DAP: variants seen among roughly 807,000 people sequenced by gnomAD.
DAP encodes death-associated protein 1.
Under a neutral mutation model 13.8 loss-of-function variants are expected in DAP, and 8 were observed. The ratio of observed to expected loss-of-function variants is 0.58; its 90% CI spans 0.34 to 1.05. The LOEUF (loss-of-function observed/expected upper bound fraction) is 1.05. Among genes scored for constraint, DAP ranks in the 50% least tolerant of loss-of-function variants. The pLI is 0.03. For missense variants in DAP, 106 were observed against 133.2 expected (o/e 0.80, Z 1.01); for synonymous variants, 47 against 47.5 (o/e 0.99, Z 0.04).
intron 2 of DAP, among the ~76,000 whole-genome samples, chr5:10,709,546 G>A (rs943672956): frequency 3.3e-5 from 5 of 152,192 alleles, no homozygotes; most frequent in Admixed American, 6.5e-5. Context: ...GGGTTGCCTC[G>A]TGGTCAGATG....
chr5:10,695,767 T>C (rs995642773), intron 2 of DAP, among the ~76,000 whole-genome samples: 3 of 152,196 alleles, frequency 2.0e-5, no homozygotes, highest in African/African-American at 7.2e-5. Context: ...GTGGGAAGGA[T>C]GCTCTCATTT....
At chr5:10,757,217 C>T (rs1740211143) in intron 1 of DAP, among the ~76,000 whole-genome samples, 1 of 152,126 alleles carries the variant, frequency 6.6e-6, no homozygotes, top group African/African-American at 2.4e-5. Flanking sequence ...CCTTTCCGGC[C>T]GCTCCCACTA....
intron 2 of DAP, among the ~76,000 whole-genome samples, chr5:10,744,253 T>A (rs1009551206): frequency 6.6e-6 from 1 of 152,234 alleles, no homozygotes; most frequent in Admixed American, 6.5e-5. Context: ...AGGTACTCAT[T>A]TTCATATCTG....
chr5:10,683,382 C>G (rs989545955), intron 3 of DAP, 147 bp downstream of exon 3: 2 of 847,034 alleles, frequency 2.4e-6, no homozygotes, highest in Non-Finnish European at 2.0e-6. Context: ...TGGGGAAACG[C>G]GGCAATGAAG....
At chr5:10,721,202 C>T (rs969444574) in intron 2 of DAP, among the ~76,000 whole-genome samples, 1 of 152,148 alleles carries the variant, frequency 6.6e-6, no homozygotes, top group African/African-American at 2.4e-5. Context: ...GTTTCTCCCA[C>T]AGCCAGGATT....
chr5:10,739,314 CT>C (rs200679726), intron 2 of DAP, among the ~76,000 whole-genome samples: 6,057 of 135,256 alleles, frequency 0.045, 389 homozygotes, highest in African/African-American at 0.14. Flanking sequence ...TTTTTTAGTA[CT>C]TTTTTTTTTT....
At chr5:10,684,364 A>G (rs910823583) in intron 2 of DAP, among the ~76,000 whole-genome samples, 1 of 152,126 alleles carries the variant, frequency 6.6e-6, no homozygotes, top group Admixed American at 6.5e-5. Context: ...GAGCATTACA[A>G]ATATAAGGTC....
chr5:10,749,007 C>T (rs1739979000), intron 1 of DAP, among the ~76,000 whole-genome samples: 2 of 152,220 alleles, frequency 1.3e-5, no homozygotes, highest in African/African-American at 4.8e-5. Flanking sequence ...CTCCCAGCTC[C>T]TGGAAGCCAG....
In DAP at chr5:10,707,536, G is replaced by A. The variant is rs969303406; in HGVS notation, c.153-23965C>T. Among the ~76,000 whole-genome samples, 3 of 152,138 alleles carry A rather than the reference G, an allele frequency of 2.0e-5. No individual in the cohort carries two copies. The highest frequency in any genetic ancestry group is 4.8e-5 in the African/African-American group (2 of 41,428). ...TGCATAGGTGGTGTGATGCATGGGT[G>A]CTGTGATGCAGGGGTGGTGTGATTT... On this transcript the variant is annotated intron_variant, in intron 2 of 3. Coordinates refer to ENST00000230895, the MANE Select transcript of DAP (RefSeq NM_004394.3). This position sits in a 1 kb window ranked among gnomAD's most constrained non-coding sequence, Gnocchi z 4.0.
At chr5:10,744,482 A>G (rs181522174) in intron 2 of DAP, among the ~76,000 whole-genome samples, 180 of 152,340 alleles carry the variant, frequency 1.2e-3, no homozygotes, top group African/African-American at 3.9e-3. Flanking sequence ...GTGAGGCTGC[A>G]AAAGGGTAGG....
intron 2 of DAP, among the ~76,000 whole-genome samples, chr5:10,719,215 C>T (rs1484203702): frequency 2.0e-5 from 3 of 152,214 alleles, no homozygotes; most frequent in African/African-American, 7.2e-5. Flanking sequence ...GGAGGCAACA[C>T]ATTCCTCATT....
At chr5:10,756,643 T>G (rs1443588387) in intron 1 of DAP, among the ~76,000 whole-genome samples, 1 of 152,228 alleles carries the variant, frequency 6.6e-6, no homozygotes, top group Non-Finnish European at 1.5e-5. Context: ...AAAGCTATCA[T>G]GTAGCAGATT....
intron 2 of DAP, among the ~76,000 whole-genome samples, chr5:10,736,159 C>T (rs1739606429): frequency 6.6e-6 from 1 of 152,182 alleles, no homozygotes; most frequent in African/African-American, 2.4e-5. Context: ...CAGACCTTCC[C>T]CAGCGCCTGC....
At chr5:10,717,751 C>A (rs988676106) in intron 2 of DAP, among the ~76,000 whole-genome samples, 1 of 152,164 alleles carries the variant, frequency 6.6e-6, no homozygotes, top group South Asian at 2.1e-4. Context: ...GGTGCAGCTA[C>A]GACAATGAAC....
At chr5:10,694,030 A>G (rs950579556) in intron 2 of DAP, among the ~76,000 whole-genome samples, 2 of 152,030 alleles carry the variant, frequency 1.3e-5, no homozygotes, top group Non-Finnish European at 2.9e-5. Context: ...CTGGGGGTGG[A>G]GCCCGGGAGG....
chr5:10,680,724 T>G lies in DAP; in HGVS notation c.*332A>C. 1 of 1,535,314 alleles carries G rather than the reference T, an allele frequency of 6.5e-7. No individual in the cohort carries two copies. The highest frequency in any genetic ancestry group is 8.7e-7 in the Non-Finnish European group (1 of 1,146,264). ...TCATCTTCTCAAATGTGTGCCTTCT[T>G]GTTTTTAAGACCATAGACAAGGACG... On this transcript the variant is annotated 3_prime_UTR_variant, in exon 4 of 4. Transcript: ENST00000230895.
rs753358295 is a variant in DAP, at chr5:10,680,887, G to T, written c.*169C>A. 6.5e-7 allele frequency: 1 copy of T among 1,537,122 alleles called. No individual in the cohort carries two copies. The highest frequency in any genetic ancestry group is 1.2e-5 in the South Asian group (1 of 84,064). ...CCCCATAAACAAGGTTTGGGCTGGA[G>T]CTGTTTCTAGTTTTAAATATGGAAA... On this transcript the variant is annotated 3_prime_UTR_variant, in exon 4 of 4. Coordinates refer to ENST00000230895, the MANE Select transcript of DAP (RefSeq NM_004394.3).
intron 2 of DAP, among the ~76,000 whole-genome samples, chr5:10,683,939 T>C (rs1738096050): frequency 1.3e-5 from 2 of 152,176 alleles, no homozygotes; most frequent in South Asian, 4.1e-4. Flanking sequence ...TGATCCTGCT[T>C]CAGTCTCCCG....
chr5:10,757,848 T>C (rs1049982733), intron 1 of DAP, among the ~76,000 whole-genome samples: 3 of 152,092 alleles, frequency 2.0e-5, no homozygotes, highest in Non-Finnish European at 2.9e-5. Flanking sequence ...GGGGAAACTC[T>C]GGAGTGCTTA....
Sources: allele counts gnomAD v4.1 joint callset (sites outside exome capture counted in the v4.1 genomes callset), GRCh38; gene constraint gnomAD v4.1.1; non-coding constraint Gnocchi (gnomAD v3.1); transcripts MANE v1.5; gene names NCBI Gene and HGNC (gene_info 2026-07-23, HGNC 2026-07-21).